The following KANSL1L variants were observed in gnomAD, a reference collection of about 807,000 sequenced individuals.
KANSL1L encodes the protein KAT8 regulatory NSL complex subunit 1-like protein.
Under a neutral mutation model 108.6 loss-of-function variants are expected in KANSL1L, and 25 were observed. That is an observed-to-expected ratio of 0.23 (90% CI 0.17 to 0.32). The LOEUF is 0.32. Among genes scored for constraint, KANSL1L ranks in the 10% least tolerant of loss-of-function variants. The probability of loss-of-function intolerance (pLI) is 1.00; values close to 1 mark genes in which losing one functional copy is unlikely to be tolerated. For synonymous variants in KANSL1L, 405 were observed against 395.1 expected (o/e 1.03, Z -0.30); for missense variants, 1,137 against 1,125.7 (o/e 1.01, Z -0.14).
In KANSL1L at chr2:210,154,168, A is replaced by G. The variant is rs773885227; in HGVS notation, c.415T>C (p.Ser139Pro). The part of the protein sequence containing the change: ...SEEFIKKEPL[S>P]DTTSQCMKDV... ...TTCATGCACTGGCTCGTGGTATCTG[A>G]TAGAGGCTCCTTTTTGATGAACTCT... Residue 139 changes from serine to proline, a missense_variant, in exon 2 of 15, where the codon TCA becomes CCA. Ser to Pro is a moderately conservative substitution (Grantham distance 74, BLOSUM62 -1). Around this residue, in one of 3 missense-constraint regions of KANSL1L, gnomAD observed 556 missense variants for 537.7 expected, o/e 1.03. Transcript: ENST00000281772. 5.0e-6 allele frequency: 8 copies of G among 1,613,916 alleles called. No homozygotes were observed. In the Admixed American group the frequency reaches 8.3e-5, roughly 17 times the overall value.
chr2:210,075,134 A>G (rs2094533461), intron 6 of KANSL1L, among the ~76,000 whole-genome samples: 1 of 152,220 alleles, frequency 6.6e-6, no homozygotes, highest in African/African-American at 2.4e-5. Context: ...CCTAAAAAGG[A>G]AAGCAACGTT....
Position 210,153,835 on chromosome 2 carries a change from C to T in KANSL1L, c.748G>A (p.Ala250Thr). ...RTQKHLQMLLAKHVVKHYGQQ... is the reference protein window; with the variant it reads ...RTQKHLQMLLTKHVVKHYGQQ... ...CCATAGTGCTTAACAACATGCTTTG[C>T]CAGGAGCATCTGCAAATGTTTCTGA... Residue 250 changes from alanine to threonine, a missense_variant, in exon 2 of 15, where the codon GCA (alanine) becomes ACA (threonine). Transcript: ENST00000281772. 1 of 1,612,528 alleles carries T rather than the reference C, an allele frequency of 6.2e-7. No individual in the cohort carries two copies.
chr2:210,029,268 C>T (rs982568184), intron 10 of KANSL1L: 4 of 261,990 alleles, frequency 1.5e-5, no homozygotes, highest in South Asian at 6.3e-5. Context: ...TCAGAAAAGA[C>T]CAACATACAT....
At chr2:210,109,155 A>T (rs1314272013) in intron 3 of KANSL1L, among the ~76,000 whole-genome samples, 2 of 152,078 alleles carry the variant, frequency 1.3e-5, no homozygotes. Flanking sequence ...TGGCCCTTCA[A>T]ATATCTTAGA....
At chr2:210,090,859 C>T (rs954878240) in intron 5 of KANSL1L, among the ~76,000 whole-genome samples, 10 of 152,238 alleles carry the variant, frequency 6.6e-5, no homozygotes, top group Middle Eastern at 3.4e-3. Context: ...TATCTTTTTA[C>T]CTATATCTAT....
intron 6 of KANSL1L, among the ~76,000 whole-genome samples, chr2:210,072,117 G>T (rs1408592847): frequency 6.6e-6 from 1 of 151,994 alleles, no homozygotes; most frequent in Admixed American, 6.5e-5. Context: ...CCCTTGAAAA[G>T]AATTCTGCTC....
At chr2:210,125,410 CCTT>C (rs2095057582) in intron 3 of KANSL1L, among the ~76,000 whole-genome samples, 1 of 152,286 alleles carries the variant, frequency 6.6e-6, no homozygotes, top group Non-Finnish European at 1.5e-5. Context: ...AAATAGCAAT[CCTT>C]CTCAAACTTT....
At chr2:210,084,362 C>T (rs749643835) in intron 5 of KANSL1L, among the ~76,000 whole-genome samples, 23 of 151,866 alleles carry the variant, frequency 1.5e-4, no homozygotes, top group Admixed American at 5.3e-4. Context: ...ATGGAGGTTG[C>T]AGTGAGCCGA....
intron 5 of KANSL1L, among the ~76,000 whole-genome samples, chr2:210,090,031 T>C (rs2094678525): frequency 6.6e-6 from 1 of 152,162 alleles, no homozygotes; most frequent in African/African-American, 2.4e-5. Flanking sequence ...AAAGCACTTT[T>C]TTTAAAGAGT....
At chr2:210,164,357 CT>C (rs2095376077) in intron 1 of KANSL1L, among the ~76,000 whole-genome samples, 1 of 152,088 alleles carries the variant, frequency 6.6e-6, no homozygotes, top group Non-Finnish European at 1.5e-5. Context: ...CCTCAAATAG[CT>C]TTCTAAAAAG....
chr2:210,128,240 A>T (rs1433429702), intron 3 of KANSL1L, among the ~76,000 whole-genome samples: 2 of 152,190 alleles, frequency 1.3e-5, no homozygotes, highest in Non-Finnish European at 2.9e-5. Context: ...TTCCCATATG[A>T]TCCAGCAATT....
chr2:210,040,563 C>T (rs370822803), intron 7 of KANSL1L, 36 bp from the exon 8 acceptor site: 20 of 957,440 alleles, frequency 2.1e-5, no homozygotes, highest in African/African-American at 2.0e-4. Flanking sequence ...TTTTCAAATA[C>T]CACTCTTTGT....
intron 1 of KANSL1L, among the ~76,000 whole-genome samples, chr2:210,159,778 G>A (rs1364083924): frequency 1.3e-5 from 2 of 152,178 alleles, no homozygotes; most frequent in Non-Finnish European, 2.9e-5. Flanking sequence ...CAGGCCGGGC[G>A]CGGTGGCTCA....
rs2094335378 is a variant in KANSL1L at position 210,055,050 on chromosome 2, C to T, written c.1756-10946G>A. ...CCAGATCTCATCTTGAATTGTAGTT[C>T]CCATAATCCCCACATGTCATGGGAG... On this transcript the variant is annotated intron_variant, in intron 6 of 14. Transcript: ENST00000281772. Among the ~76,000 whole-genome samples the T allele has an allele frequency of 2.0e-5, 3 of 152,194 alleles. No individual in the cohort carries two copies. In the South Asian group the frequency reaches 6.2e-4, roughly 32 times the overall value.
intron 5 of KANSL1L, among the ~76,000 whole-genome samples, chr2:210,087,925 A>T (rs1336427468): frequency 6.6e-6 from 1 of 152,110 alleles, no homozygotes; most frequent in Non-Finnish European, 1.5e-5. Context: ...TCTTCATAGC[A>T]CTTGATCAAG....
chr2:210,170,654 T>A (rs1257535109), intron 1 of KANSL1L: 1 of 152,140 alleles, frequency 6.6e-6, no homozygotes, highest in Non-Finnish European at 1.5e-5. Flanking sequence ...TGAAAGAAAG[T>A]GTGAAATAAA....
chr2:210,081,336 C>A (rs2125348513), intron 5 of KANSL1L, among the ~76,000 whole-genome samples: 1 of 152,096 alleles, frequency 6.6e-6, no homozygotes, highest in Non-Finnish European at 1.5e-5. Flanking sequence ...TTTTTGCTTC[C>A]TAGAATCTTC....
intron 2 of KANSL1L, among the ~76,000 whole-genome samples, chr2:210,145,038 G>C (rs2095255934): frequency 6.6e-6 from 1 of 152,210 alleles, no homozygotes; most frequent in Non-Finnish European, 1.5e-5. Context: ...TCTGACTCCA[G>C]TAAGGGCATA....
chr2:210,026,876 T>G (rs2093945059), intron 12 of KANSL1L, among the ~76,000 whole-genome samples: 2 of 152,200 alleles, frequency 1.3e-5, no homozygotes, highest in Admixed American at 1.3e-4. Flanking sequence ...GTTCACGCTA[T>G]TCTCCTGCCT....
Sources: gnomAD v4.1 joint callset for allele counts (sites outside exome capture counted in the v4.1 genomes callset) on GRCh38, gnomAD v4.1.1 for gene constraint, gnomAD v4.1.1 regional missense constraint, MANE v1.5 for transcripts, NCBI Gene and HGNC (gene_info 2026-07-23, HGNC 2026-07-21) for gene names.